The following ARHGAP10 variants were observed in gnomAD, a reference collection of about 807,000 sequenced individuals.
ARHGAP10 encodes rho GTPase-activating protein 10.
Under a neutral mutation model 108.6 loss-of-function variants are expected in ARHGAP10, and 87 were observed. The observed-to-expected ratio is 0.80, with a 90% CI of 0.67 to 0.96. The LOEUF (loss-of-function observed/expected upper bound fraction) is 0.96. Ranked by LOEUF, ARHGAP10 falls within the 40% of genes least tolerant of loss-of-function variation. ARHGAP10 has a pLI of 0.00. For synonymous variants in ARHGAP10, 347 were observed against 341.1 expected (o/e 1.02, Z -0.19); for missense variants, 939 against 954.5 (o/e 0.98, Z 0.21).
chr4:147,951,171 T>A (rs1028781136), intron 15 of ARHGAP10, among the ~76,000 whole-genome samples: 2 of 152,178 alleles, frequency 1.3e-5, no homozygotes, highest in Admixed American at 1.3e-4. Flanking sequence ...TTGTAGAAGA[T>A]ATTCAGATAC....
At chr4:147,784,287 TATATA>T (rs1560755960) in intron 1 of ARHGAP10, among the ~76,000 whole-genome samples, 2 of 119,408 alleles carry the variant, frequency 1.7e-5, no homozygotes, top group Middle Eastern at 0.012. Context: ...AACATTAAAT[TATATA>T]ATTTACATAA....
chr4:147,932,417 T>C (rs1434652370), intron 13 of ARHGAP10, among the ~76,000 whole-genome samples: 1 of 152,158 alleles, frequency 6.6e-6, no homozygotes, highest in Non-Finnish European at 1.5e-5. Context: ...CCATCAATGA[T>C]AGACTGGATA....
intron 16 of ARHGAP10, among the ~76,000 whole-genome samples, chr4:147,960,875 A>G (rs950393830): frequency 2.6e-5 from 4 of 152,188 alleles, no homozygotes; most frequent in Middle Eastern, 3.2e-3. Context: ...TGTGAGATTC[A>G]TCTCTGTTGT....
intron 3 of ARHGAP10, among the ~76,000 whole-genome samples, chr4:147,831,352 G>A (rs1315774683): frequency 6.6e-6 from 1 of 152,188 alleles, no homozygotes; most frequent in East Asian, 1.9e-4. Context: ...GATTTTTAGT[G>A]TTACTTACTT....
At chr4:147,857,000 G>T (rs1442470814) in intron 4 of ARHGAP10, among the ~76,000 whole-genome samples, 1 of 152,114 alleles carries the variant, frequency 6.6e-6, no homozygotes, top group Non-Finnish European at 1.5e-5. Flanking sequence ...TTACAGGTGT[G>T]TGCCACCACA....
At chr4:148,037,255 TC>T (rs1212110713) in intron 19 of ARHGAP10, among the ~76,000 whole-genome samples, 16 of 152,248 alleles carry the variant, frequency 1.1e-4, no homozygotes, top group African/African-American at 3.9e-4. Context: ...TCTTGAATGT[TC>T]CACTGTCCAT....
At chr4:148,019,699 AAGCCGAGCTG>A (rs1741488906) in intron 18 of ARHGAP10, among the ~76,000 whole-genome samples, 1 of 151,990 alleles carries the variant, frequency 6.6e-6, no homozygotes, top group Non-Finnish European at 1.5e-5. Context: ...GCAGTTAGCC[AAGCCGAGCTG>A]AGCCGAGATC....
chr4:147,973,309 G>A (rs1739480544), intron 18 of ARHGAP10, among the ~76,000 whole-genome samples: 1 of 152,178 alleles, frequency 6.6e-6, no homozygotes, highest in Admixed American at 6.5e-5. Flanking sequence ...GTCTGAGGTA[G>A]GGAGTTCTTT....
chr4:148,033,793 T>G (rs975908855), intron 19 of ARHGAP10, among the ~76,000 whole-genome samples: 2 of 152,204 alleles, frequency 1.3e-5, no homozygotes, highest in Non-Finnish European at 2.9e-5. Flanking sequence ...CTGGAGAGAC[T>G]TCATTGGCAC....
At chr4:147,820,933 T>C (rs966130539) in intron 1 of ARHGAP10, among the ~76,000 whole-genome samples, 1 of 152,116 alleles carries the variant, frequency 6.6e-6, no homozygotes. Context: ...AATTTTTCTT[T>C]ATCAGTTATC....
intron 1 of ARHGAP10, among the ~76,000 whole-genome samples, chr4:147,755,097 AT>A (rs1729314505): frequency 6.6e-6 from 1 of 151,824 alleles, no homozygotes; most frequent in Non-Finnish European, 1.5e-5. Context: ...AAAAAAAAAA[AT>A]TCTTTCAAAA....
chr4:147,952,720 C>T (rs1046328418), intron 15 of ARHGAP10, among the ~76,000 whole-genome samples: 1 of 152,012 alleles, frequency 6.6e-6, no homozygotes, highest in Non-Finnish European at 1.5e-5. Context: ...TTTTTGTTCT[C>T]TCAATAGTGT....
rs1470887905 is a variant in ARHGAP10, at chr4:148,046,996, G to A, written c.1972G>A (p.Asp658Asn). The A allele has an allele frequency of 6.2e-7, 1 of 1,614,110 alleles. No individual in the cohort carries two copies. Residue 658 changes from aspartate to asparagine, a missense_variant, in exon 20 of 23, where the codon GAC becomes AAC. Physicochemically the swap from Asp to Asn is conservative, Grantham distance 23. Transcript: ENST00000336498. The stretch of plus-strand genomic sequence containing the variant: ...AGCTGTCCCTGGGCCTCCTGGACCA[G>A]ACAAAAACCACCTTCTGGCAGATGG... ...TTAVPGPPGP[D>N]KNHLLADGGS...
chr4:147,907,243 A>G (rs574533308), intron 11 of ARHGAP10, among the ~76,000 whole-genome samples: 59 of 152,334 alleles, frequency 3.9e-4, no homozygotes, highest in Non-Finnish European at 7.6e-4. Flanking sequence ...AGGTAGTGGT[A>G]TAGATCCAGA....
Position 148,004,093 on chromosome 4 carries a change from G to A in ARHGAP10, c.1717-19170G>A, listed in dbSNP as rs375562654. On this transcript the variant is annotated intron_variant, in intron 18 of 22. Transcript: ENST00000336498. ...TGAAATGCACTTAGAGCCAGGTCCA[G>A]TGGTGCACGCCTGTAATTCCAGCTA... is the stretch of plus-strand genomic sequence containing the variant. Among the ~76,000 whole-genome samples, 5 of 152,310 alleles carry A rather than the reference G, an allele frequency of 3.3e-5. No homozygotes were observed. In the East Asian group the frequency reaches 5.8e-4, roughly 18 times the overall value.
Position 147,847,202 on chromosome 4 carries a change from G to A in ARHGAP10, c.364G>A (p.Glu122Lys). 1 of 1,612,662 alleles carries A rather than the reference G, an allele frequency of 6.2e-7. No homozygotes were observed. Among genetic ancestry groups the A allele is most frequent in the Non-Finnish European group, 8.5e-7 (1 of 1,178,828 alleles). The change falls in exon 4 of 23, where the codon GAG becomes AAG. Residue 122 changes from glutamate (E) to lysine (K), a missense_variant. Coordinates refer to ENST00000336498, the MANE Select transcript of ARHGAP10 (RefSeq NM_024605.4). The stretch of plus-strand genomic sequence containing the variant: ...TAAACCCTTGGAAAAATTCAGAAAA[G>A]AGCAACTTGGAGCTGTAAAGGTTTG... ...LIKPLEKFRK[E>K]QLGAVKEEKK...
chr4:147,859,534 A>G (rs1004052830), intron 5 of ARHGAP10, among the ~76,000 whole-genome samples: 1 of 152,184 alleles, frequency 6.6e-6, no homozygotes. Context: ...TTGGCCTCCC[A>G]AAGTGCTGGG....
intron 1 of ARHGAP10, among the ~76,000 whole-genome samples, chr4:147,759,506 C>T (rs758784922): frequency 8.6e-5 from 13 of 151,476 alleles, no homozygotes; most frequent in Admixed American, 7.9e-4. Context: ...GGCAGGAGTT[C>T]GAGGCTGTAG....
chr4:148,046,785 G>A, intron 19 of ARHGAP10, 107 bp from the exon 20 acceptor site: 1 of 1,163,312 alleles, frequency 8.6e-7, no homozygotes, highest in African/African-American at 1.5e-5. Context: ...AACTGTAAAT[G>A]TAATTTTATC....
Sources: gnomAD v4.1 joint callset for allele counts (sites outside exome capture counted in the v4.1 genomes callset) on GRCh38, gnomAD v4.1.1 for gene constraint, MANE v1.5 for transcripts, NCBI Gene and HGNC (gene_info 2026-07-23, HGNC 2026-07-21) for gene names.